Variants in NRCAM observed in about 807,000 individuals in gnomAD.
NRCAM encodes neuronal cell adhesion molecule, also known as NgCAM-related cell adhesion molecule.
Under a neutral mutation model 156.5 loss-of-function variants are expected in NRCAM, and 83 were observed. That is an observed-to-expected ratio of 0.53 (90% CI 0.44 to 0.64). The LOEUF (loss-of-function observed/expected upper bound fraction) is 0.64. Among genes scored for constraint, NRCAM ranks in the 30% least tolerant of loss-of-function variants. The probability of loss-of-function intolerance (pLI) is 0.00; values close to 1 mark genes in which losing one functional copy is unlikely to be tolerated. For synonymous variants in NRCAM, 538 were observed against 563.9 expected, an observed-to-expected ratio of 0.95 and a Z score of 0.65; for missense variants, 1,417 against 1,597.3, an observed-to-expected ratio of 0.89 and a Z score of 1.92.
intron 1 of NRCAM, among the ~76,000 whole-genome samples, chr7:108,450,969 A>T (rs7807941): frequency 0.25 from 37,499 of 152,124 alleles, 4,940 homozygotes; most frequent in Non-Finnish European, 0.29. Context: ...TTGTAATCTC[A>T]GCACTTTGGG....
At chr7:108,326,789 A>G (rs555310394) in intron 2 of NRCAM, among the ~76,000 whole-genome samples, 1 of 152,186 alleles carries the variant, frequency 6.6e-6, no homozygotes, top group Non-Finnish European at 1.5e-5. Context: ...CTAGATTCCT[A>G]TTTATAATTC....
At chr7:108,226,180 G>C (rs557919816) in intron 9 of NRCAM, 28 bp downstream of exon 9, 1 of 1,509,264 alleles carries the variant, frequency 6.6e-7, no homozygotes, top group East Asian at 2.3e-5. Context: ...TGTCATTGAA[G>C]GGGAGATTTG....
At chr7:108,294,194 T>G (rs13229360) in intron 3 of NRCAM, among the ~76,000 whole-genome samples, 2 of 28,540 alleles carry the variant, frequency 7.0e-5, no homozygotes, top group African/African-American at 2.0e-4. Flanking sequence ...TCTTTACTGG[T>G]TTTTTTTTTT....
intron 3 of NRCAM, among the ~76,000 whole-genome samples, chr7:108,312,308 G>T (rs1017873491): frequency 3.9e-5 from 6 of 152,122 alleles, no homozygotes; most frequent in African/African-American, 1.2e-4. Context: ...TTATTTTCTT[G>T]TAAATGATTC....
At chr7:108,193,299 C>T (rs1297324188) in intron 17 of NRCAM, among the ~76,000 whole-genome samples, 1 of 152,196 alleles carries the variant, frequency 6.6e-6, no homozygotes, top group Non-Finnish European at 1.5e-5. Flanking sequence ...CATTGACAAG[C>T]AACAGGGCAA....
intron 1 of NRCAM, among the ~76,000 whole-genome samples, chr7:108,438,215 G>A (rs1380761447): frequency 6.6e-6 from 1 of 151,934 alleles, no homozygotes; most frequent in Non-Finnish European, 1.5e-5. Flanking sequence ...ATCAGACCAA[G>A]GCATTATAAG....
intron 2 of NRCAM, among the ~76,000 whole-genome samples, chr7:108,314,796 A>G (rs2098871994): frequency 6.6e-6 from 1 of 152,208 alleles, no homozygotes; most frequent in African/African-American, 2.4e-5. Context: ...AATGCAACTG[A>G]AAATCTGCTA....
intron 2 of NRCAM, among the ~76,000 whole-genome samples, chr7:108,358,018 A>C (rs1318830618): frequency 6.6e-6 from 1 of 152,204 alleles, no homozygotes; most frequent in Non-Finnish European, 1.5e-5. Flanking sequence ...TCAGGGAAGA[A>C]TCTTGTGATT....
chr7:108,299,126 G>GAAAGAAAGAAAGAAAGAAAA (rs2098530831), intron 3 of NRCAM, among the ~76,000 whole-genome samples: 1 of 62,304 alleles, frequency 1.6e-5, no homozygotes, highest in African/African-American at 6.0e-5. Flanking sequence ...AAGAAAGAAA[G>GAAAGAAAGAAAGAAAGAAAA]AAAGAAAGAA....
intron 3 of NRCAM, among the ~76,000 whole-genome samples, chr7:108,300,160 CT>C (rs10665036): frequency 0.082 from 5,354 of 65,656 alleles, 180 homozygotes; most frequent in South Asian, 0.12. Flanking sequence ...TTTCTGTTGA[CT>C]TTTTTTTTTT....
At chr7:108,443,502 G>A (rs1840888300) in intron 1 of NRCAM, among the ~76,000 whole-genome samples, 1 of 152,208 alleles carries the variant, frequency 6.6e-6, no homozygotes, top group African/African-American at 2.4e-5. Flanking sequence ...ACTGAAGGCT[G>A]AAGTTGTCTA....
chr7:108,199,268 G>A (rs965454189), intron 13 of NRCAM, among the ~76,000 whole-genome samples: 3 of 152,046 alleles, frequency 2.0e-5, no homozygotes, highest in Non-Finnish European at 4.4e-5. Flanking sequence ...TTTCATCTGT[G>A]GTTTATTAAC....
At chr7:108,171,233 G>A (rs998698716) in intron 28 of NRCAM, among the ~76,000 whole-genome samples, 1 of 152,000 alleles carries the variant, frequency 6.6e-6, no homozygotes, top group Non-Finnish European at 1.5e-5. Context: ...TTCCTCTGTA[G>A]ATACCGCCAG....
At chr7:108,375,283 A>G (rs2099669800) in intron 2 of NRCAM, among the ~76,000 whole-genome samples, 1 of 152,112 alleles carries the variant, frequency 6.6e-6, no homozygotes, top group Admixed American at 6.6e-5. Flanking sequence ...GAATGAATCA[A>G]TGAATAATTC....
intron 3 of NRCAM, among the ~76,000 whole-genome samples, chr7:108,263,982 G>C (rs1030267161): frequency 3.3e-5 from 5 of 151,956 alleles, no homozygotes; most frequent in African/African-American, 1.2e-4. Context: ...TATGGCTTTA[G>C]CATCTTTGTT....
chr7:108,327,555 C>T (rs895653822), intron 2 of NRCAM, among the ~76,000 whole-genome samples: 3 of 152,094 alleles, frequency 2.0e-5, no homozygotes, highest in Non-Finnish European at 4.4e-5. Context: ...AAGATACTAG[C>T]TTGAAACCAA....
At chr7:108,263,295 T>C (rs1490093648) in intron 3 of NRCAM, among the ~76,000 whole-genome samples, 1 of 152,224 alleles carries the variant, frequency 6.6e-6, no homozygotes, top group East Asian at 1.9e-4. Context: ...TTGCCTAGTG[T>C]TTTTTCTTTT....
At chr7:108,186,441 T>C (rs1306314328) in intron 20 of NRCAM, among the ~76,000 whole-genome samples, 3 of 152,164 alleles carry the variant, frequency 2.0e-5, no homozygotes, top group Non-Finnish European at 4.4e-5. Flanking sequence ...ATCCTTCTTA[T>C]TTCCCTACTT....
chr7:108,184,414 T>C lies in NRCAM; in HGVS notation c.2233+3A>G. ...CCCTAGAAGTCCCGCTTTCCCGCTT[T>C]ACCTGAGGCTTTCGTCAAATACTGC... On this transcript the variant is annotated splice_donor_region_variant and intron_variant, in intron 21 of 32. Transcript: ENST00000379028. The C allele has an allele frequency of 6.2e-7, 1 of 1,614,202 alleles. No individual in the cohort carries two copies. The highest frequency in any genetic ancestry group is 8.5e-7 in the Non-Finnish European group (1 of 1,180,032).
Sources: allele counts gnomAD v4.1 joint callset (sites outside exome capture counted in the v4.1 genomes callset), GRCh38; gene constraint gnomAD v4.1.1; transcripts MANE v1.5; gene names NCBI Gene and HGNC (gene_info 2026-07-23, HGNC 2026-07-21).